Variants in SEMA5B observed in about 807,000 individuals in gnomAD.
SEMA5B encodes semaphorin 5B, also known as semaphorin-5B.
A neutral mutation model predicts 135.0 loss-of-function variants in SEMA5B; 66 were observed. The ratio of observed to expected loss-of-function variants is 0.49; its 90% CI spans 0.40 to 0.60. The LOEUF (loss-of-function observed/expected upper bound fraction) is 0.60, where lower values mean the gene tolerates loss of function less well. Ranked by LOEUF, SEMA5B falls within the 20% of genes least tolerant of loss-of-function variation. The probability of loss-of-function intolerance (pLI) is 0.00; values close to 1 mark genes in which losing one functional copy is unlikely to be tolerated. For missense variants in SEMA5B, 1,501 were observed against 1,566.3 expected, an observed-to-expected ratio of 0.96 and a Z score of 0.70; for synonymous variants, 690 against 639.5, an observed-to-expected ratio of 1.08 and a Z score of -1.19.
chr3:122,954,896 G>T (rs1053181944), intron 2 of SEMA5B, among the ~76,000 whole-genome samples: 1 of 150,254 alleles, frequency 6.7e-6, no homozygotes, highest in Non-Finnish European at 1.5e-5. Context: ...AGGCTCAAGC[G>T]ATCCTCCCTC....
intron 5 of SEMA5B, among the ~76,000 whole-genome samples, chr3:122,937,518 A>G (rs1309118486): frequency 6.6e-6 from 1 of 152,194 alleles, no homozygotes; most frequent in Non-Finnish European, 1.5e-5. Flanking sequence ...TGTCACAGTG[A>G]ATCCAGTCTG....
rs1938382293 is a variant in SEMA5B, at chr3:122,922,069, A to AGCCGTGGAGGCTGCGGCTC, written c.1515_1533dup (p.Cys512GlufsTer117). On this transcript the variant is annotated frameshift_variant, in exon 12 of 23. Transcript: ENST00000357599. LOFTEE classifies it high-confidence loss of function. ...AGCACGTGCAGCTCCTCCAGGTAGC[A>AGCCGTGGAGGCTGCGGCTC]GCCGTGGAGGCTGCGGCTCGCCGTG... The AGCCGTGGAGGCTGCGGCTC allele has an allele frequency of 6.7e-7, 1 of 1,491,958 alleles. No homozygotes were observed. Among genetic ancestry groups the AGCCGTGGAGGCTGCGGCTC allele is most frequent in the Non-Finnish European group, 8.9e-7 (1 of 1,119,312 alleles). The allele number at this position is 1,491,958 out of a possible 1,614,324, so 92.4% of individuals were successfully genotyped here. A position where few individuals can be genotyped will look rare whatever the true frequency, so the allele number is the denominator to read the frequency against.
chr3:122,948,739 C>A lies in SEMA5B; in HGVS notation c.125-30G>T, dbSNP rs117502153. The stretch of plus-strand genomic sequence containing the variant: ...AACGTAAACACTCAGTCTCACCAAG[C>A]GCTCCCTCCAACTGGGCCCACTTCC... On this transcript the variant is annotated intron_variant, in intron 2 of 22. Transcript: ENST00000357599. 5,278 of 1,547,954 alleles carry A rather than the reference C, an allele frequency of 3.4e-3. 94 individuals are homozygous for A. Among genetic ancestry groups the A allele is most frequent in the East Asian group, 0.031 (1,315 of 43,000 alleles).
At chr3:123,009,531 G>C (rs201941988) in intron 1 of SEMA5B, among the ~76,000 whole-genome samples, 1 of 145,730 alleles carries the variant, frequency 6.9e-6, no homozygotes, top group East Asian at 2.0e-4. Context: ...GTGTATGTGT[G>C]TCTGTGTGTG....
chr3:122,918,008 A>G (rs927613847), intron 12 of SEMA5B, among the ~76,000 whole-genome samples: 2 of 152,212 alleles, frequency 1.3e-5, no homozygotes, highest in African/African-American at 2.4e-5. Context: ...AGAACTCAGC[A>G]AAGCCCACTC....
At chr3:123,024,982 C>CTTA (rs1337659310) in intron 1 of SEMA5B, among the ~76,000 whole-genome samples, 1 of 152,198 alleles carries the variant, frequency 6.6e-6, no homozygotes, top group Admixed American at 6.5e-5. Context: ...CATGGACAAT[C>CTTA]TCCAGGGCCT....
intron 1 of SEMA5B, among the ~76,000 whole-genome samples, chr3:122,994,184 G>A (rs1941964573): frequency 6.6e-6 from 1 of 151,970 alleles, no homozygotes; most frequent in Non-Finnish European, 1.5e-5. Flanking sequence ...AGAGCGAGTG[G>A]TAACTCCAGG....
intron 1 of SEMA5B, among the ~76,000 whole-genome samples, chr3:122,998,793 T>A (rs1942092199): frequency 6.6e-6 from 1 of 152,190 alleles, no homozygotes; most frequent in Non-Finnish European, 1.5e-5. Flanking sequence ...GCTCAACTCA[T>A]TACAAGAAGT....
chr3:123,006,223 C>T (rs1056154499), intron 1 of SEMA5B, among the ~76,000 whole-genome samples: 2 of 152,152 alleles, frequency 1.3e-5, no homozygotes, highest in African/African-American at 4.8e-5. Flanking sequence ...GAGGTGGCTG[C>T]TGGGTGGTAC....
rs138751210 is a variant in SEMA5B at position 122,997,934 on chromosome 3, C to T, written c.-39+29530G>A. Among the ~76,000 whole-genome samples, 59 of 152,292 alleles carry T rather than the reference C, an allele frequency of 3.9e-4. 1 individual carries two copies. The East Asian group carries it at 0.01, about 26-fold the overall frequency. On this transcript the variant is annotated intron_variant, in intron 1 of 22. Transcript: ENST00000357599. ...GATACCCCAGCCTCTAGGTATCACCCCTTCTCTTCCTCACGCCCCCACTTT... is the reference window on the plus strand; with the variant it reads ...GATACCCCAGCCTCTAGGTATCACCTCTTCTCTTCCTCACGCCCCCACTTT...
intron 10 of SEMA5B, 63 bp downstream of exon 10, chr3:122,923,554 G>A (rs2276780): frequency 0.62 from 986,307 of 1,586,222 alleles, 319,472 homozygotes; most frequent in Non-Finnish European, 0.67. Flanking sequence ...GAATCAGCTT[G>A]TGGCTGGTAA....
At position 122,912,969 on chromosome 3, in the gene SEMA5B, G is replaced by T; in HGVS notation, c.2599C>A (p.Arg867=). Residue 867 remains arginine, a synonymous_variant, in exon 18 of 23, where the codon CGG becomes AGG. Coordinates refer to ENST00000357599, the MANE Select transcript of SEMA5B (RefSeq NM_001031702.4). ...AAWGPWSSCS[R]DCELGFRVRK... ...ACGCGGAAGCCCAGCTCGCAGTCCC[G>T]GGAGCAGGACGACCACGGGCCCCAG... is the stretch of plus-strand genomic sequence containing the variant. 6.2e-7 allele frequency: 1 copy of T among 1,611,634 alleles called. No homozygotes were observed. Among genetic ancestry groups the T allele is most frequent in the African/African-American group, 1.3e-5 (1 of 74,980 alleles).
chr3:122,916,901 A>G (rs1284094046), intron 12 of SEMA5B, among the ~76,000 whole-genome samples: 1 of 151,976 alleles, frequency 6.6e-6, no homozygotes, highest in Non-Finnish European at 1.5e-5. Flanking sequence ...CAAAATGATA[A>G]CTGGTTCACA....
chr3:123,026,781 C>G (rs934518504), intron 1 of SEMA5B, among the ~76,000 whole-genome samples: 2 of 152,246 alleles, frequency 1.3e-5, no homozygotes, highest in Non-Finnish European at 2.9e-5. Context: ...GGGAAATCGC[C>G]GCTCGCGTCC....
At chr3:122,928,919 C>G in intron 6 of SEMA5B, 77 bp downstream of exon 6, 9 of 1,435,222 alleles carry the variant, frequency 6.3e-6, no homozygotes, top group Non-Finnish European at 8.7e-6. Flanking sequence ...TCAGTCCACA[C>G]AGTGCTGCTC....
chr3:122,951,770 C>A (rs1940056098), intron 2 of SEMA5B, among the ~76,000 whole-genome samples: 1 of 152,222 alleles, frequency 6.6e-6, no homozygotes, highest in African/African-American at 2.4e-5. Flanking sequence ...ATGAGCAGCT[C>A]CCAGGGTAGA....
rs190555475 is a variant in SEMA5B at position 123,011,923 on chromosome 3, T to C, written c.-39+15541A>G. Among the ~76,000 whole-genome samples the C allele has an allele frequency of 2.0e-5, 3 of 152,288 alleles. No individual in the cohort carries two copies. In the East Asian group the frequency reaches 5.8e-4, roughly 29 times the overall value. On this transcript the variant is annotated intron_variant, in intron 1 of 22. Coordinates refer to ENST00000357599, the MANE Select transcript of SEMA5B (RefSeq NM_001031702.4). ...TGAACAACATCCCTGCAGGAAACTCTGCCTCCTCGAATTGCTTGACCCTCC... is the reference window on the plus strand; with the variant it reads ...TGAACAACATCCCTGCAGGAAACTCCGCCTCCTCGAATTGCTTGACCCTCC...
At chr3:122,952,108 C>A (rs902258523) in intron 2 of SEMA5B, among the ~76,000 whole-genome samples, 3 of 152,180 alleles carry the variant, frequency 2.0e-5, no homozygotes, top group Admixed American at 1.3e-4. Context: ...GGCTCAAACT[C>A]GTTCATACTT....
intron 1 of SEMA5B, among the ~76,000 whole-genome samples, chr3:122,995,119 C>A (rs1212692619): frequency 6.6e-6 from 1 of 152,148 alleles, no homozygotes; most frequent in Admixed American, 6.5e-5. Flanking sequence ...CCAGGGCAAG[C>A]CAAGCTGGAA....
Sources: gnomAD v4.1 joint callset for allele counts (sites outside exome capture counted in the v4.1 genomes callset) on GRCh38, gnomAD v4.1.1 for gene constraint, MANE v1.5 for transcripts, NCBI Gene and HGNC (gene_info 2026-07-23, HGNC 2026-07-21) for gene names.